The following AP3B1 variants were observed in gnomAD, a reference collection of about 807,000 sequenced individuals.
AP3B1 encodes adaptor related protein complex 3 subunit beta 1.
AP3B1 carries 61 observed loss-of-function variants against 132.5 expected under a neutral mutation model. The ratio of observed to expected loss-of-function variants is 0.46; its 90% CI spans 0.37 to 0.57. The LOEUF is 0.57. AP3B1 is among the 20% of genes least tolerant of loss of function. The probability of loss-of-function intolerance (pLI) is 0.00; values close to 1 mark genes in which losing one functional copy is unlikely to be tolerated. For missense variants in AP3B1, 1,120 were observed against 1,289.4 expected (o/e 0.87, Z 2.01); for synonymous variants, 388 against 438.3 (o/e 0.89, Z 1.43).
chr5:78,092,620 T>G (rs1051545406), intron 21 of AP3B1, among the ~76,000 whole-genome samples: 1 of 152,214 alleles, frequency 6.6e-6, no homozygotes, highest in Non-Finnish European at 1.5e-5. Context: ...ATATTAATAC[T>G]GTGTAAGCTG....
At position 78,110,370 on chromosome 5, in the gene AP3B1, A is replaced by G; in HGVS notation, c.2250-16T>C. 6.3e-7 allele frequency: 1 copy of G among 1,589,482 alleles called. No individual in the cohort carries two copies. The highest frequency in any genetic ancestry group is 8.6e-7 in the Non-Finnish European group (1 of 1,162,516). ...TTCAGAATCACTACACATAATAGTAAATTTTGAAATATGAACTTTAACTCC... is the reference window on the plus strand; with the variant it reads ...TTCAGAATCACTACACATAATAGTAGATTTTGAAATATGAACTTTAACTCC... On this transcript the variant is annotated splice_polypyrimidine_tract_variant and intron_variant, in intron 19 of 26. Coordinates refer to ENST00000255194, the MANE Select transcript of AP3B1 (RefSeq NM_003664.5).
At chr5:78,120,428 G>A (rs1233167280) in intron 17 of AP3B1, among the ~76,000 whole-genome samples, 8 of 152,210 alleles carry the variant, frequency 5.3e-5, no homozygotes, top group African/African-American at 1.7e-4. Flanking sequence ...ACCCATCAGT[G>A]TGTTGTATTC....
intron 24 of AP3B1, among the ~76,000 whole-genome samples, chr5:78,031,904 C>T (rs116323865): frequency 2.4e-3 from 372 of 152,278 alleles, no homozygotes; most frequent in African/African-American, 8.4e-3. Flanking sequence ...GCTCAGTTCT[C>T]TAACTAGCAC....
chr5:78,238,975 T>A (rs1414902612), intron 3 of AP3B1, among the ~76,000 whole-genome samples: 1 of 147,848 alleles, frequency 6.8e-6, no homozygotes, highest in Non-Finnish European at 1.5e-5. Flanking sequence ...TGAATAAAAA[T>A]GATAATAAAA....
chr5:78,049,651 G>A (rs1478439528), intron 22 of AP3B1, among the ~76,000 whole-genome samples: 2 of 152,084 alleles, frequency 1.3e-5, no homozygotes, highest in East Asian at 1.9e-4. Flanking sequence ...TCTCACTACT[G>A]CCACTGTGGC....
At chr5:78,084,594 C>A (rs1750158826) in intron 22 of AP3B1, among the ~76,000 whole-genome samples, 2 of 145,314 alleles carry the variant, frequency 1.4e-5, no homozygotes, top group South Asian at 4.4e-4. Context: ...AGGAAAAAGA[C>A]CCAAACAAAT....
At chr5:78,039,797 AGAAAAG>A (rs1321713585) in intron 22 of AP3B1, among the ~76,000 whole-genome samples, 21 of 149,748 alleles carry the variant, frequency 1.4e-4, no homozygotes, top group African/African-American at 4.9e-4. Flanking sequence ...AAAAAAGAAA[AGAAAAG>A]AAAAAAAAAA....
At chr5:78,257,324 G>A (rs1164715295) in intron 2 of AP3B1, among the ~76,000 whole-genome samples, 1 of 152,116 alleles carries the variant, frequency 6.6e-6, no homozygotes, top group Non-Finnish European at 1.5e-5. Flanking sequence ...AAGTAAAGTT[G>A]CAGGATACAA....
chr5:78,066,358 C>T (rs144257461), intron 22 of AP3B1, among the ~76,000 whole-genome samples: 2,039 of 152,248 alleles, frequency 0.013, 10 homozygotes, highest in Non-Finnish European at 0.021. Flanking sequence ...TGGGTAATAA[C>T]GAACTTTGCT....
intron 21 of AP3B1, among the ~76,000 whole-genome samples, chr5:78,096,427 C>T (rs1411893105): frequency 1.3e-5 from 2 of 151,966 alleles, no homozygotes; most frequent in Non-Finnish European, 2.9e-5. Context: ...TCTGCCCGGC[C>T]GCCACCCCGT....
intron 17 of AP3B1, among the ~76,000 whole-genome samples, chr5:78,121,025 C>A (rs1026463115): frequency 6.6e-6 from 1 of 152,146 alleles, no homozygotes; most frequent in Non-Finnish European, 1.5e-5. Context: ...AACTAGAACT[C>A]AGGATTAAGA....
chr5:78,113,853 G>T lies in AP3B1; in HGVS notation c.2148C>A (p.Ser716Arg). 1 of 1,614,134 alleles carries T rather than the reference G, an allele frequency of 6.2e-7. No homozygotes were observed. The highest frequency in any genetic ancestry group is 8.5e-7 in the Non-Finnish European group (1 of 1,180,008). The change falls in exon 19 of 27, where the codon AGC (serine) becomes AGA (arginine). Residue 716 changes from serine to arginine, a missense_variant. Ser to Arg is a moderately radical substitution (Grantham distance 110). Transcript: ENST00000255194. ...SGEEGDSNED[S>R]SEDSSSEQDS... The stretch of plus-strand genomic sequence containing the variant: ...CCTGCTCACTGGAGGAGTCCTCACT[G>T]CTGTCCTCATTGCTGTCTCCTTCCT...
rs770281960 is a variant in AP3B1, at chr5:78,129,283, A to T, written c.1675T>A (p.Leu559Ile). Residue 559 changes from leucine (L) to isoleucine (I), a missense_variant, in exon 16 of 27, where the codon TTA becomes ATA. Coordinates refer to ENST00000255194, the MANE Select transcript of AP3B1 (RefSeq NM_003664.5). ...TTTTGATCATACTTGCCGAGATTTA[A>T]TATGTACTGGGTAAGCAATTTTGTC... ...KQTKLLTQYILNLGKYDQNYD... is the reference protein window; with the variant it reads ...KQTKLLTQYIINLGKYDQNYD... The T allele has an allele frequency of 9.3e-6, 15 of 1,612,908 alleles. No homozygotes were observed. The highest frequency in any genetic ancestry group is 1.3e-5 in the African/African-American group (1 of 74,898).
chr5:78,047,672 G>A (rs567659302), intron 22 of AP3B1, among the ~76,000 whole-genome samples: 2 of 152,126 alleles, frequency 1.3e-5, no homozygotes, highest in African/African-American at 4.8e-5. Context: ...CTCTGATCAG[G>A]TTCCTCTCCT....
intron 3 of AP3B1, among the ~76,000 whole-genome samples, chr5:78,239,026 A>C (rs1441980444): frequency 6.6e-6 from 1 of 151,814 alleles, no homozygotes; most frequent in Admixed American, 6.6e-5. Context: ...ATAACAAATC[A>C]AATATGCTTT....
chr5:78,214,591 T>C (rs1192898146), intron 7 of AP3B1, among the ~76,000 whole-genome samples: 1 of 152,156 alleles, frequency 6.6e-6, no homozygotes, highest in African/African-American at 2.4e-5. Context: ...AAATTGCCTA[T>C]AACTTTATAC....
At position 78,094,535 on chromosome 5, in the gene AP3B1, G is replaced by C. The variant is rs187340764; in HGVS notation, c.2471-5036C>G. 4.4e-3 allele frequency among the ~76,000 whole-genome samples: 675 copies of C among 152,238 alleles called. 2 individuals are homozygous for C. Among genetic ancestry groups the C allele is most frequent in the Non-Finnish European group, 5.3e-3 (363 of 68,016 alleles). On this transcript the variant is annotated intron_variant, in intron 21 of 26. Transcript: ENST00000255194. ...GAAATAACCAAATTGTTTTGTAGTA[G>C]AGTCAGTCTATTGCTAGGGTTGCTG...
chr5:78,251,927 T>C (rs1044202191), intron 2 of AP3B1, among the ~76,000 whole-genome samples: 1 of 152,154 alleles, frequency 6.6e-6, no homozygotes, highest in African/African-American at 2.4e-5. Context: ...GACCCCTCCC[T>C]TCCACTTGAG....
chr5:78,172,527 G>C (rs1034203831), intron 11 of AP3B1, among the ~76,000 whole-genome samples: 2 of 152,152 alleles, frequency 1.3e-5, no homozygotes, highest in African/African-American at 4.8e-5. Context: ...TTGCATAGAG[G>C]TATTTATAGT....
Sources: gnomAD v4.1 joint callset for allele counts (sites outside exome capture counted in the v4.1 genomes callset) on GRCh38, gnomAD v4.1.1 for gene constraint, MANE v1.5 for transcripts, NCBI Gene and HGNC (gene_info 2026-07-23, HGNC 2026-07-21) for gene names.